Variants in ADGRB3 observed in about 807,000 individuals in gnomAD.
ADGRB3 encodes the protein brain-specific angiogenesis inhibitor 3.
Under a neutral mutation model 193.4 loss-of-function variants are expected in ADGRB3, and 37 were observed. That is an observed-to-expected ratio of 0.19 (90% CI 0.15 to 0.25). The LOEUF (loss-of-function observed/expected upper bound fraction) is 0.25, where lower values mean the gene tolerates loss of function less well. ADGRB3 is among the 10% of genes least tolerant of loss of function. The pLI, the probability that ADGRB3 is intolerant of heterozygous loss-of-function variation, is 1.00. For synonymous variants in ADGRB3, 690 were observed against 644.2 expected (o/e 1.07, Z -1.08); for missense variants, 1,637 against 1,852.9 (o/e 0.88, Z 2.14).
At chr6:68,884,861 C>T (rs1765861496) in intron 3 of ADGRB3, among the ~76,000 whole-genome samples, 1 of 152,112 alleles carries the variant, frequency 6.6e-6, no homozygotes, top group African/African-American at 2.4e-5. Context: ...GGAATTTGAG[C>T]ATCTTGAAAA....
At chr6:68,786,078 A>C (rs1766962641) in intron 3 of ADGRB3, among the ~76,000 whole-genome samples, 1 of 151,504 alleles carries the variant, frequency 6.6e-6, no homozygotes, top group South Asian at 2.1e-4. Flanking sequence ...AGTAGGTTGC[A>C]AAAATTTTCT....
At chr6:69,300,111 A>C (rs529244352) in intron 20 of ADGRB3, among the ~76,000 whole-genome samples, 3 of 152,028 alleles carry the variant, frequency 2.0e-5, no homozygotes, top group Admixed American at 6.6e-5. Flanking sequence ...ACATTAAAAA[A>C]TGATTCATCA....
chr6:69,338,961 G>A lies in ADGRB3; in HGVS notation c.3234G>A (p.Lys1078=), dbSNP rs753141445. The change falls in exon 25 of 32, where the codon AAG becomes AAA. Residue 1078 remains lysine, a synonymous_variant. Transcript: ENST00000370598. ...GCGGTTTGACGCTCAAATGTGCCAAGTGTGGAGTAGTTTCAACAACAGCTT... is the reference window on the plus strand; with the variant it reads ...GCGGTTTGACGCTCAAATGTGCCAAATGTGGAGTAGTTTCAACAACAGCTT... ...PHSGLTLKCA[K]CGVVSTTALS... is the part of the protein sequence containing the mutation. 6 of 1,613,856 alleles carry A rather than the reference G, an allele frequency of 3.7e-6. No individual in the cohort carries two copies. The highest frequency in any genetic ancestry group is 3.3e-4 in the Middle Eastern group (2 of 6,062).
chr6:68,636,477 T>TAAAA (rs549982617), intron 1 of ADGRB3, among the ~76,000 whole-genome samples: 50 of 144,760 alleles, frequency 3.5e-4, no homozygotes, highest in South Asian at 6.6e-4. Flanking sequence ...AATAAATAAA[T>TAAAA]AAAACATCCT....
At chr6:68,909,918 C>T (rs1400068779) in intron 3 of ADGRB3, among the ~76,000 whole-genome samples, 1 of 152,162 alleles carries the variant, frequency 6.6e-6, no homozygotes, top group Non-Finnish European at 1.5e-5. Flanking sequence ...TGGGTATATA[C>T]CCAGTAATGG....
chr6:69,382,777 T>C (rs1035895202), intron 30 of ADGRB3, 54 bp from the exon 31 acceptor site: 2 of 1,327,362 alleles, frequency 1.5e-6, no homozygotes, highest in East Asian at 2.5e-5. Context: ...ATCTCTCTTG[T>C]TTGAAAAACA....
At chr6:69,209,651 A>G (rs1176069339) in intron 17 of ADGRB3, among the ~76,000 whole-genome samples, 1 of 152,226 alleles carries the variant, frequency 6.6e-6, no homozygotes, top group Non-Finnish European at 1.5e-5. Flanking sequence ...TAGGACAGTA[A>G]AGGAGTATTG....
intron 17 of ADGRB3, among the ~76,000 whole-genome samples, chr6:69,088,279 C>A (rs572795068): frequency 6.6e-6 from 1 of 152,042 alleles, no homozygotes; most frequent in Non-Finnish European, 1.5e-5. Flanking sequence ...TTTTATGTAT[C>A]AATATACGTT....
rs193090463 is a variant in ADGRB3 at position 69,251,783 on chromosome 6, A to G, written c.2814+12557A>G. Among the ~76,000 whole-genome samples, 6 of 152,302 alleles carry G rather than the reference A, an allele frequency of 3.9e-5. No individual in the cohort carries two copies. The East Asian group carries it at 1.2e-3, about 29-fold the overall frequency. ...GCTACCCTTTTTGTTTATTGTTTTCAGGATACTTCAGATTTACTCCTTTAG... is the reference window on the plus strand; with the variant it reads ...GCTACCCTTTTTGTTTATTGTTTTCGGGATACTTCAGATTTACTCCTTTAG... On this transcript the variant is annotated intron_variant, in intron 20 of 31. Transcript: ENST00000370598.
At chr6:68,988,494 G>T (rs1436000936) in intron 10 of ADGRB3, among the ~76,000 whole-genome samples, 1 of 152,034 alleles carries the variant, frequency 6.6e-6, no homozygotes, top group Non-Finnish European at 1.5e-5. Flanking sequence ...TAGAACAGTG[G>T]GGTGAACCAA....
At chr6:68,908,971 C>T (rs917356525) in intron 3 of ADGRB3, among the ~76,000 whole-genome samples, 2 of 152,014 alleles carry the variant, frequency 1.3e-5, no homozygotes, top group African/African-American at 4.8e-5. Context: ...CCTGAGACCC[C>T]CTCTTTTTCT....
intron 4 of ADGRB3, among the ~76,000 whole-genome samples, chr6:68,931,165 G>C (rs1767326575): frequency 1.3e-5 from 2 of 151,810 alleles, no homozygotes; most frequent in African/African-American, 2.4e-5. Context: ...AAAGAGTTTT[G>C]TTATATAAGC....
chr6:68,925,882 A>G (rs1767165645), intron 3 of ADGRB3, among the ~76,000 whole-genome samples: 1 of 152,036 alleles, frequency 6.6e-6, no homozygotes, highest in Non-Finnish European at 1.5e-5. Flanking sequence ...CTAATTAATA[A>G]ATGTTTATTT....
chr6:69,233,568 G>A (rs1258268805), intron 18 of ADGRB3, 152 bp downstream of exon 18: 3 of 1,003,380 alleles, frequency 3.0e-6, no homozygotes, highest in Non-Finnish European at 4.4e-6. Context: ...GTAGCTTGGT[G>A]GAATGAATTC....
At chr6:68,989,634 A>C (rs1193202205) in intron 10 of ADGRB3, among the ~76,000 whole-genome samples, 1 of 152,172 alleles carries the variant, frequency 6.6e-6, no homozygotes, top group African/African-American at 2.4e-5. Flanking sequence ...TTTACAGATA[A>C]ATGAAATAAT....
At chr6:69,289,736 C>G (rs1435794491) in intron 20 of ADGRB3, among the ~76,000 whole-genome samples, 1 of 152,058 alleles carries the variant, frequency 6.6e-6, no homozygotes, top group Non-Finnish European at 1.5e-5. Context: ...CCACTACAGA[C>G]AGGTGCCTAA....
At chr6:69,102,414 A>G (rs1582462331) in intron 17 of ADGRB3, among the ~76,000 whole-genome samples, 1 of 152,308 alleles carries the variant, frequency 6.6e-6, no homozygotes, top group East Asian at 1.9e-4. Flanking sequence ...ATGTTTGTAC[A>G]TTTTAAATGT....
chr6:69,040,061 A>C (rs1463416977), intron 13 of ADGRB3, among the ~76,000 whole-genome samples: 1 of 152,084 alleles, frequency 6.6e-6, no homozygotes, highest in Non-Finnish European at 1.5e-5. Context: ...TTTTGAGATA[A>C]TTATATTTAT....
intron 16 of ADGRB3, among the ~76,000 whole-genome samples, chr6:69,065,612 T>G (rs1052407706): frequency 6.6e-6 from 1 of 152,082 alleles, no homozygotes; most frequent in Non-Finnish European, 1.5e-5. Flanking sequence ...TAAAGATATA[T>G]TCTATGTACT....
Sources: gnomAD v4.1 joint callset for allele counts (sites outside exome capture counted in the v4.1 genomes callset) on GRCh38, gnomAD v4.1.1 for gene constraint, MANE v1.5 for transcripts, NCBI Gene and HGNC (gene_info 2026-07-23, HGNC 2026-07-21) for gene names.